ZNF519: variants seen among roughly 807,000 people sequenced by gnomAD.
The protein encoded by ZNF519 is zinc finger protein 519, also known as similar to Zinc finger protein 85 (Zinc finger protein HPF4) (HTF1).
ZNF519 carries 7 observed loss-of-function variants against 7.4 expected under a neutral mutation model. The ratio of observed to expected loss-of-function variants is 0.94; its 90% CI spans 0.54 to 1.77. The LOEUF (loss-of-function observed/expected upper bound fraction) is 1.77, where lower values mean the gene tolerates loss of function less well. ZNF519 is among the 40% of genes most tolerant of loss of function. ZNF519 has a pLI of 0.00. For missense variants in ZNF519, 586 were observed against 623.1 expected, an observed-to-expected ratio of 0.94 and a Z score of 0.63; for synonymous variants, 179 against 203.3, an observed-to-expected ratio of 0.88 and a Z score of 1.02.
chr18:14,082,004 T>C (rs1415130971), intron 3 of ZNF519, among the ~76,000 whole-genome samples: 1 of 151,962 alleles, frequency 6.6e-6, no homozygotes, highest in Non-Finnish European at 1.5e-5. Flanking sequence ...ATAAAATATA[T>C]AAAACACTGT....
In ZNF519 at chr18:14,105,144, C is replaced by A; in HGVS notation, c.1396G>T (p.Gly466Cys). 1 of 1,613,832 alleles carries A rather than the reference C, an allele frequency of 6.2e-7. No individual in the cohort carries two copies. The highest frequency in any genetic ancestry group is 8.5e-7 in the Non-Finnish European group (1 of 1,179,898). Residue 466 changes from glycine to cysteine, a missense_variant, in exon 3 of 3, where the codon GGC becomes TGC. Transcript: ENST00000590202. ...TGTGAGCCCCAGATAAAAGCTTTGCCACATTCTTCACATTTGAAAGACTTC... is the reference window on the plus strand; with the variant it reads ...TGTGAGCCCCAGATAAAAGCTTTGCAACATTCTTCACATTTGAAAGACTTC... ...GEKSFKCEEC[G>C]KAFIWGSHLT... is the part of the protein sequence containing the mutation.
chr18:14,108,205 C>T (rs1413180437), intron 2 of ZNF519, among the ~76,000 whole-genome samples: 9 of 152,140 alleles, frequency 5.9e-5, no homozygotes, highest in African/African-American at 2.2e-4. Context: ...AACTCCTAGG[C>T]AGGCAGGGAT....
At chr18:14,127,187 T>C (rs2046303315) in intron 1 of ZNF519, among the ~76,000 whole-genome samples, 1 of 152,176 alleles carries the variant, frequency 6.6e-6, no homozygotes, top group African/African-American at 2.4e-5. Flanking sequence ...ACTTACAGGA[T>C]TCTGTTGACA....
chr18:14,121,744 T>C (rs921704435), intron 2 of ZNF519: 2 of 152,178 alleles, frequency 1.3e-5, no homozygotes, highest in African/African-American at 4.8e-5. Context: ...TATAGGTATG[T>C]GTATGTGTAT....
intron 2 of ZNF519, among the ~76,000 whole-genome samples, chr18:14,112,324 T>C (rs956831972): frequency 1.3e-5 from 2 of 151,986 alleles, no homozygotes; most frequent in Admixed American, 6.6e-5. Context: ...CCTCAACATA[T>C]AAAAAGCTAT....
At chr18:14,088,288 G>A (rs577860162) in intron 2 of ZNF519, among the ~76,000 whole-genome samples, 10 of 152,310 alleles carry the variant, frequency 6.6e-5, no homozygotes, top group African/African-American at 2.2e-4. Flanking sequence ...AAAACTCGGA[G>A]TAGCTTCATC....
Position 14,101,940 on chromosome 18 carries a change from T to C in ZNF519, c.*2977A>G, listed in dbSNP as rs556041616. 8 of 392,394 alleles carry C rather than the reference T, an allele frequency of 2.0e-5. No individual in the cohort carries two copies. The East Asian group carries it at 2.5e-4, about 12-fold the overall frequency. 24.3% of individuals were successfully genotyped at this position (392,394 alleles called of 1,614,324 possible). On this transcript the variant is annotated 3_prime_UTR_variant, in exon 3 of 3. Transcript: ENST00000590202. ...CTAAATGCATGAAAGGCAGAGCTTT[T>C]CAACATGAATAATTTTAAGACATAT... is the stretch of plus-strand genomic sequence containing the variant.
At chr18:14,092,144 C>T (rs554631359) in intron 2 of ZNF519, among the ~76,000 whole-genome samples, 1 of 151,990 alleles carries the variant, frequency 6.6e-6, no homozygotes, top group African/African-American at 2.4e-5. Flanking sequence ...GTGGAGGTAA[C>T]GATGGAGAGA....
rs370500189 is a variant in ZNF519, at chr18:14,129,720, A to T, written c.3+2555T>A. Among the ~76,000 whole-genome samples, 60 of 152,338 alleles carry T rather than the reference A, an allele frequency of 3.9e-4. No individual in the cohort carries two copies. The East Asian group carries it at 5.2e-3, about 13-fold the overall frequency. On this transcript the variant is annotated intron_variant, in intron 1 of 2. Transcript: ENST00000590202. ...GAGTCAGCATAGATCCCACAAGTTC[A>T]GGCTAAGTCCCATAACACTGTCCTC...
chr18:14,089,666 T>C (rs1488738797), intron 2 of ZNF519, among the ~76,000 whole-genome samples: 18 of 152,218 alleles, frequency 1.2e-4, no homozygotes, highest in Admixed American at 1.2e-3. Flanking sequence ...ACATGATCCA[T>C]ATATTGATAA....
rs1421516779 is a variant in ZNF519, at chr18:14,101,446, T to G, written c.*3471A>C. ...AAAATATAAATAATTTTCCTAGATATTCTTACAAATATGTGAAAGCCGATT... is the reference window on the plus strand; with the variant it reads ...AAAATATAAATAATTTTCCTAGATAGTCTTACAAATATGTGAAAGCCGATT... On this transcript the variant is annotated 3_prime_UTR_variant, in exon 3 of 3. Coordinates refer to ENST00000590202, the MANE Select transcript of ZNF519 (RefSeq NM_145287.4). 1.0e-5 allele frequency: 4 copies of G among 385,100 alleles called. No homozygotes were observed. The highest frequency in any genetic ancestry group is 1.8e-5 in the Non-Finnish European group (4 of 218,354). The allele number at this position is 385,100 out of a possible 1,614,324, so 23.9% of individuals were successfully genotyped here. A position where few individuals can be genotyped will look rare whatever the true frequency, so the allele number is the denominator to read the frequency against.
At chr18:14,076,614 GC>G (rs2046048691) in exon 5 of ZNF519, 1 of 152,054 alleles carries the variant, frequency 6.6e-6, no homozygotes, top group Non-Finnish European at 1.5e-5. Flanking sequence ...TAAAACATGA[GC>G]CCACTATGTA....
chr18:14,106,909 T>C (rs1392325029), intron 2 of ZNF519, among the ~76,000 whole-genome samples: 1 of 152,154 alleles, frequency 6.6e-6, no homozygotes, highest in Non-Finnish European at 1.5e-5. Flanking sequence ...GTATTTCAAC[T>C]GGCCCTGGGC....
chr18:14,114,487 T>C (rs2046236654), intron 2 of ZNF519, among the ~76,000 whole-genome samples: 1 of 152,222 alleles, frequency 6.6e-6, no homozygotes, highest in Non-Finnish European at 1.5e-5. Context: ...ACTGTTTCAC[T>C]GATCAATACC....
intron 3 of ZNF519, chr18:14,078,304 AC>A (rs1199545271): frequency 6.6e-6 from 1 of 152,224 alleles, no homozygotes; most frequent in African/African-American, 2.4e-5. Flanking sequence ...ATGTACTGAT[AC>A]AAAAAATTAA....
At chr18:14,086,735 A>G (rs1855943000) in intron 2 of ZNF519, among the ~76,000 whole-genome samples, 1 of 152,184 alleles carries the variant, frequency 6.6e-6, no homozygotes, top group South Asian at 2.1e-4. Flanking sequence ...GGCCAGAACG[A>G]CAAAGCAACT....
intron 4 of ZNF519, among the ~76,000 whole-genome samples, chr18:14,078,008 G>A (rs1312832402): frequency 3.3e-5 from 5 of 152,116 alleles, no homozygotes; most frequent in South Asian, 2.1e-4. Context: ...GTGTTGTTGC[G>A]GAGATGGTTT....
In ZNF519 at chr18:14,128,441, G is replaced by A. The variant is rs1266568206; in HGVS notation, c.3+3834C>T. Among the ~76,000 whole-genome samples, 6 of 152,144 alleles carry A rather than the reference G, an allele frequency of 3.9e-5. 1 individual carries two copies. The highest frequency in any genetic ancestry group is 1.4e-4 in the African/African-American group (6 of 41,398). On this transcript the variant is annotated intron_variant, in intron 1 of 2. Coordinates refer to ENST00000590202, the MANE Select transcript of ZNF519 (RefSeq NM_145287.4). ...AGGTCAACATAATTAGTATTCAACTGTACCATTTGTCATACACAGCTTATT... is the reference window on the plus strand; with the variant it reads ...AGGTCAACATAATTAGTATTCAACTATACCATTTGTCATACACAGCTTATT...
chr18:14,122,217 C>T, intron 2 of ZNF519: 1 of 152,244 alleles, frequency 6.6e-6, no homozygotes, highest in Middle Eastern at 3.4e-3. Flanking sequence ...TATTCTAAAG[C>T]AGTAACACTT....
Sources: allele counts gnomAD v4.1 joint callset (sites outside exome capture counted in the v4.1 genomes callset), GRCh38; gene constraint gnomAD v4.1.1; transcripts MANE v1.5; gene names NCBI Gene and HGNC (gene_info 2026-07-23, HGNC 2026-07-21).